The following RGS12 variants were observed in gnomAD, a reference collection of about 807,000 sequenced individuals.
The protein encoded by RGS12 is regulator of G protein signaling 12, also known as regulator of G-protein signaling 12.
In RGS12, 66 loss-of-function variants were observed where a neutral mutation model predicts 120.1. The ratio of observed to expected loss-of-function variants is 0.55; its 90% CI spans 0.45 to 0.67. The LOEUF is 0.67. Ranked by LOEUF, RGS12 falls within the 30% of genes least tolerant of loss-of-function variation. The probability of loss-of-function intolerance (pLI) is 0.00; values close to 1 mark genes in which losing one functional copy is unlikely to be tolerated. For synonymous variants in RGS12, 827 were observed against 804.7 expected (o/e 1.03, Z -0.47); for missense variants, 1,859 against 1,957.7 (o/e 0.95, Z 0.95).
At chr4:3,398,953 G>A (rs1720320941) in intron 4 of RGS12, among the ~76,000 whole-genome samples, 1 of 152,218 alleles carries the variant, frequency 6.6e-6, no homozygotes. Flanking sequence ...CCTGACAGCA[G>A]TGTATTTGAA....
At chr4:3,326,142 T>G (rs1409918138) in intron 2 of RGS12, among the ~76,000 whole-genome samples, 2 of 152,222 alleles carry the variant, frequency 1.3e-5, no homozygotes, top group Non-Finnish European at 2.9e-5. Context: ...ATCACTCCTA[T>G]TCAACATAGT....
At chr4:3,431,978 G>T (rs1019343282) in intron 17 of RGS12, 2 of 985,324 alleles carry the variant, frequency 2.0e-6, no homozygotes, top group Admixed American at 6.1e-5. Flanking sequence ...CATGGGAGGG[G>T]CTACCTGGTC....
chr4:3,427,142 A>C (rs1723743493), intron 14 of RGS12, among the ~76,000 whole-genome samples: 1 of 152,142 alleles, frequency 6.6e-6, no homozygotes, highest in Non-Finnish European at 1.5e-5. Context: ...GGAAAGCCTT[A>C]CGCTGGGCCC....
In RGS12 at chr4:3,366,651, G is replaced by C. The variant is rs1422803619; in HGVS notation, c.1999-19765G>C. ...GAAACCTTCAGGAGAGAGTGCTTCT[G>C]TTCCCTCCAGGTCGAGCTGTGCGCC... On this transcript the variant is annotated intron_variant, in intron 3 of 17. Transcript: ENST00000336727. This position sits in a 1 kb window ranked among gnomAD's most constrained non-coding sequence, Gnocchi z 4.0. 6.6e-6 allele frequency among the ~76,000 whole-genome samples: 1 copy of C among 152,210 alleles called. No individual in the cohort carries two copies.
At chr4:3,321,489 G>C (rs1469283706) in intron 2 of RGS12, among the ~76,000 whole-genome samples, 1 of 152,222 alleles carries the variant, frequency 6.6e-6, no homozygotes, top group Non-Finnish European at 1.5e-5. Flanking sequence ...AGGATCAGAA[G>C]CTGGGCACGG....
intron 4 of RGS12, among the ~76,000 whole-genome samples, chr4:3,408,857 G>A (rs1466053131): frequency 6.6e-6 from 1 of 152,168 alleles, no homozygotes; most frequent in East Asian, 1.9e-4. Context: ...CACACTGGGA[G>A]GAATTACTGG....
chr4:3,302,313 C>G (rs1450902753), intron 1 of RGS12, among the ~76,000 whole-genome samples: 1 of 139,500 alleles, frequency 7.2e-6, no homozygotes, highest in African/African-American at 2.6e-5. Flanking sequence ...GCAGGCCCTG[C>G]TGGACTGACC....
intron 2 of RGS12, among the ~76,000 whole-genome samples, chr4:3,334,029 A>G (rs767262484): frequency 6.6e-6 from 1 of 152,182 alleles, no homozygotes; most frequent in African/African-American, 2.4e-5. Context: ...TTGGTACCTT[A>G]TAATTTTATT....
chr4:3,334,785 G>A (rs940918073), intron 2 of RGS12, among the ~76,000 whole-genome samples: 10 of 151,864 alleles, frequency 6.6e-5, no homozygotes, highest in Admixed American at 5.3e-4. Context: ...TTCTGTTTTC[G>A]AATTGTTACT....
At chr4:3,318,619 A>G (rs1213926678) in intron 2 of RGS12, among the ~76,000 whole-genome samples, 1 of 152,230 alleles carries the variant, frequency 6.6e-6, no homozygotes, top group Non-Finnish European at 1.5e-5. Flanking sequence ...CAAGGTGTGT[A>G]GTGCTGCCTT....
intron 3 of RGS12, among the ~76,000 whole-genome samples, chr4:3,362,536 A>G (rs1715714854): frequency 1.3e-5 from 1 of 76,580 alleles, no homozygotes; most frequent in African/African-American, 5.4e-5. Context: ...GTGTGTTGTG[A>G]GGGTTTGTGT....
intron 2 of RGS12, among the ~76,000 whole-genome samples, chr4:3,332,831 A>G (rs569396130): frequency 6.6e-6 from 1 of 152,182 alleles, no homozygotes; most frequent in African/African-American, 2.4e-5. Flanking sequence ...TCTTTTATAT[A>G]TGTATATTTT....
intron 3 of RGS12, chr4:3,370,182 C>T (rs923936408): frequency 1.3e-6 from 2 of 1,582,184 alleles, no homozygotes. Context: ...ATCGGAAATG[C>T]CTTTAAACTT....
At chr4:3,369,978 C>T in intron 3 of RGS12, 1 of 1,194,254 alleles carries the variant, frequency 8.4e-7, no homozygotes, top group Non-Finnish European at 1.0e-6. Context: ...GAGAAATTAC[C>T]CCTGTCGGCC....
intron 17 of RGS12, chr4:3,432,293 G>A (rs936815418): frequency 2.4e-5 from 13 of 549,630 alleles, no homozygotes; most frequent in East Asian, 2.9e-4. Flanking sequence ...TGGATTTACC[G>A]TAATCTACTG....
In RGS12 at chr4:3,307,978, G is replaced by A. The variant is rs1724064128; in HGVS notation, c.-101-8092G>A. On this transcript the variant is annotated intron_variant, in intron 1 of 17. Coordinates refer to ENST00000336727, the MANE Select transcript of RGS12 (RefSeq NM_001394154.1). ...GCCAGACTCACCAGGATGACTGGGG[G>A]CGCCTGGGCAGAGGAAGCGTGCAGG... is the stretch of plus-strand genomic sequence containing the variant. 5.9e-5 allele frequency among the ~76,000 whole-genome samples: 9 copies of A among 152,268 alleles called. 1 individual carries two copies. In the South Asian group the frequency reaches 1.9e-3, roughly 31 times the overall value.
intron 1 of RGS12, among the ~76,000 whole-genome samples, chr4:3,301,213 C>T (rs1723668875): frequency 6.6e-6 from 1 of 152,194 alleles, no homozygotes; most frequent in African/African-American, 2.4e-5. Context: ...TCCTCTGTTA[C>T]ATGGGGTCTG....
At chr4:3,359,351 C>T (rs181215352) in intron 3 of RGS12, among the ~76,000 whole-genome samples, 1 of 1,938 alleles carries the variant, frequency 5.2e-4, no homozygotes, top group African/African-American at 6.7e-3. Context: ...TCCTCCTCCC[C>T]GTTCCCCACC....
In RGS12 at chr4:3,365,165, G is replaced by T. The variant is rs904997315; in HGVS notation, c.1999-21251G>T. On this transcript the variant is annotated intron_variant, in intron 3 of 17. Transcript: ENST00000336727. The surrounding 1 kb of genome is among the most constrained non-coding windows in gnomAD (Gnocchi z 4.0). ...GGACTCAGGGACTGGGCAGAGAGGGGATGTTCAGGGCCAGGGATGGCAGAC... is the reference window on the plus strand; with the variant it reads ...GGACTCAGGGACTGGGCAGAGAGGGTATGTTCAGGGCCAGGGATGGCAGAC... 6.6e-6 allele frequency among the ~76,000 whole-genome samples: 1 copy of T among 152,176 alleles called. No homozygotes were observed. Among genetic ancestry groups the T allele is most frequent in the Non-Finnish European group, 1.5e-5 (1 of 68,028 alleles).
Sources: gnomAD v4.1 joint callset for allele counts (sites outside exome capture counted in the v4.1 genomes callset) on GRCh38, gnomAD v4.1.1 for gene constraint, Gnocchi (gnomAD v3.1) non-coding constraint, MANE v1.5 for transcripts, NCBI Gene and HGNC (gene_info 2026-07-23, HGNC 2026-07-21) for gene names.